GBP7: variants seen among roughly 807,000 people sequenced by gnomAD.
The protein encoded by GBP7 is guanylate binding protein 7.
GBP7 carries 43 observed loss-of-function variants against 61.3 expected under a neutral mutation model. That is an observed-to-expected ratio of 0.70 (90% CI 0.55 to 0.91). GBP7 has a LOEUF of 0.91. Ranked by LOEUF, GBP7 falls within the 40% of genes least tolerant of loss-of-function variation. The pLI, the probability that GBP7 is intolerant of heterozygous loss-of-function variation, is 0.00. For synonymous variants in GBP7, 267 were observed against 271.0 expected (o/e 0.99, Z 0.14); for missense variants, 717 against 740.5 (o/e 0.97, Z 0.37).
intron 3 of GBP7, among the ~76,000 whole-genome samples, chr1:89,158,353 T>C (rs1186238159): frequency 6.6e-6 from 1 of 152,204 alleles, no homozygotes; most frequent in Non-Finnish European, 1.5e-5. Context: ...TTGGAAGTTC[T>C]GGCCAGGGCA....
intron 7 of GBP7, among the ~76,000 whole-genome samples, chr1:89,148,763 T>C (rs1002571506): frequency 2.6e-5 from 4 of 152,144 alleles, no homozygotes; most frequent in African/African-American, 9.7e-5. Flanking sequence ...AAAGAACTTC[T>C]GACTTACGGA....
intron 2 of GBP7, among the ~76,000 whole-genome samples, chr1:89,165,511 A>G (rs1305535223): frequency 3.1e-5 from 4 of 127,692 alleles, no homozygotes; most frequent in East Asian, 2.4e-4. Flanking sequence ...AAAAAAAAAG[A>G]AAAAAAAAAA....
chr1:89,141,814 A>G (rs1553124386), intron 8 of GBP7, among the ~76,000 whole-genome samples, 166 bp from the exon 9 acceptor site: 1 of 152,214 alleles, frequency 6.6e-6, no homozygotes, highest in Non-Finnish European at 1.5e-5. Flanking sequence ...AAAAAGTCCA[A>G]GCTCTTTGTT....
intron 3 of GBP7, among the ~76,000 whole-genome samples, chr1:89,163,606 C>G (rs1332322341): frequency 6.6e-6 from 1 of 151,678 alleles, no homozygotes. Context: ...AACCATCCCC[C>G]TGTCGTTTCT....
intron 2 of GBP7, among the ~76,000 whole-genome samples, chr1:89,169,803 T>C (rs1389720922): frequency 6.6e-6 from 1 of 152,240 alleles, no homozygotes; most frequent in Non-Finnish European, 1.5e-5. Flanking sequence ...GATGGCTTCA[T>C]GCTATGGACA....
intron 9 of GBP7, among the ~76,000 whole-genome samples, chr1:89,141,090 G>T (rs771262824): frequency 3.3e-5 from 5 of 151,934 alleles, no homozygotes; most frequent in South Asian, 4.1e-4. Flanking sequence ...ACTACCTATT[G>T]GGTACTATGC....
chr1:89,166,134 T>A (rs1647430492), intron 2 of GBP7, among the ~76,000 whole-genome samples: 1 of 152,142 alleles, frequency 6.6e-6, no homozygotes, highest in Non-Finnish European at 1.5e-5. Context: ...CAAACTAAGA[T>A]ACCTGTGTAT....
At chr1:89,157,734 A>G (rs1452414279) in intron 3 of GBP7, among the ~76,000 whole-genome samples, 2 of 152,134 alleles carry the variant, frequency 1.3e-5, no homozygotes, top group African/African-American at 4.8e-5. Context: ...CCAAAAAAAA[A>G]AAGTCCAGGA....
intron 10 of GBP7, 118 bp downstream of exon 10, chr1:89,133,140 T>G (rs967769258): frequency 1.4e-6 from 1 of 739,444 alleles, no homozygotes; most frequent in African/African-American, 1.8e-5. Flanking sequence ...GAAATTTAAG[T>G]GAAATATATC....
rs1415282956 is a variant in GBP7 at position 89,164,838 on chromosome 1, C to A, written c.211G>T (p.Val71Leu). The change falls in exon 3 of 11, where the codon GTG becomes TTG. Residue 71 changes from valine (V) to leucine (L), a missense_variant. Coordinates refer to ENST00000294671, the MANE Select transcript of GBP7 (RefSeq NM_207398.3). ...KNKGFPLGCTVKSETKGIWMW... is the reference protein window; with the variant it reads ...KNKGFPLGCTLKSETKGIWMW... ...CAGATGCCTTTGGTTTCAGACTTCA[C>A]TGTGCAGCCCAGAGGGAAGCCTTCA... is the stretch of plus-strand genomic sequence containing the variant. The A allele has an allele frequency of 1.1e-5, 18 of 1,613,804 alleles. No individual in the cohort carries two copies. The highest frequency in any genetic ancestry group is 1.4e-5 in the Non-Finnish European group (17 of 1,179,798).
At position 89,147,669 on chromosome 1, in the gene GBP7, A is replaced by T; in HGVS notation, c.1263T>A (p.Ile421=). The change falls in exon 8 of 11, where the codon ATT becomes ATA. Residue 421 remains isoleucine, a synonymous_variant. Coordinates refer to ENST00000294671, the MANE Select transcript of GBP7 (RefSeq NM_207398.3). ...KRLSELLTES[I]SRGTFFVPGG... ...CCGGAACAAAGAAAGTTCCTCTTGA[A>T]ATACTTTCTGTCAAGAGCTCTGAAA... is the stretch of plus-strand genomic sequence containing the variant. The T allele has an allele frequency of 6.2e-7, 1 of 1,614,098 alleles. No individual in the cohort carries two copies. The highest frequency in any genetic ancestry group is 8.5e-7 in the Non-Finnish European group (1 of 1,179,948).
At position 89,147,795 on chromosome 1, in the gene GBP7, A is replaced by G. The variant is rs780294597; in HGVS notation, c.1153-16T>C. 1.1e-5 allele frequency: 18 copies of G among 1,612,820 alleles called. No homozygotes were observed. The East Asian group carries it at 3.1e-4, about 28-fold the overall frequency. On this transcript the variant is annotated splice_polypyrimidine_tract_variant and intron_variant, in intron 7 of 10. Coordinates refer to ENST00000294671, the MANE Select transcript of GBP7 (RefSeq NM_207398.3). ...CCATGGTGTCCTGCCAGAAAAGTGT[A>G]GGGAAAAACAGTAGAAAGAAGCTGT... is the stretch of plus-strand genomic sequence containing the variant.
intron 3 of GBP7, among the ~76,000 whole-genome samples, chr1:89,158,950 G>A (rs1163342629): frequency 2.0e-5 from 3 of 152,112 alleles, no homozygotes; most frequent in Admixed American, 6.5e-5. Context: ...CACACTACCC[G>A]ATTTCAAACT....
At chr1:89,158,989 G>A (rs2100653837) in intron 3 of GBP7, among the ~76,000 whole-genome samples, 1 of 152,232 alleles carries the variant, frequency 6.6e-6, no homozygotes, top group African/African-American at 2.4e-5. Flanking sequence ...AAGCAAAACA[G>A]CATGGTACTG....
intron 1 of GBP7, among the ~76,000 whole-genome samples, chr1:89,174,928 G>A (rs1373791343): frequency 1.3e-5 from 2 of 152,084 alleles, no homozygotes; most frequent in African/African-American, 2.4e-5. Context: ...TCTGATCTCT[G>A]CTGTATAGAG....
intron 9 of GBP7, among the ~76,000 whole-genome samples, chr1:89,140,801 A>G (rs189381627): frequency 6.6e-6 from 1 of 152,304 alleles, no homozygotes; most frequent in African/African-American, 2.4e-5. Context: ...ATCAACCTAA[A>G]TGTTCATCAG....
At chr1:89,148,199 T>C (rs1163476265) in intron 7 of GBP7, among the ~76,000 whole-genome samples, 2 of 152,238 alleles carry the variant, frequency 1.3e-5, no homozygotes, top group Non-Finnish European at 2.9e-5. Flanking sequence ...AAAAGGATCT[T>C]AAAATGTGAA....
intron 2 of GBP7, 30 bp downstream of exon 2, chr1:89,171,716 G>A: frequency 6.3e-7 from 1 of 1,596,214 alleles, no homozygotes; most frequent in African/African-American, 1.4e-5. Flanking sequence ...GACAGATGGG[G>A]CTCATCCATG....
intron 5 of GBP7, 53 bp downstream of exon 5, chr1:89,152,212 CCTA>C: frequency 6.6e-7 from 1 of 1,517,492 alleles, no homozygotes; most frequent in Non-Finnish European, 9.1e-7. Context: ...AACGGTAGGT[CCTA>C]GTTGATCCCA....
Sources: allele counts gnomAD v4.1 joint callset (sites outside exome capture counted in the v4.1 genomes callset), GRCh38; gene constraint gnomAD v4.1.1; transcripts MANE v1.5; gene names NCBI Gene and HGNC (gene_info 2026-07-23, HGNC 2026-07-21).